The following SPOCK1 variants were observed in gnomAD, a reference collection of about 807,000 sequenced individuals.
SPOCK1 encodes SPARC (osteonectin), cwcv and kazal like domains proteoglycan 1.
A neutral mutation model predicts 55.3 loss-of-function variants in SPOCK1; 23 were observed. That is an observed-to-expected ratio of 0.42 (90% CI 0.30 to 0.59). The LOEUF is 0.59. Ranked by LOEUF, SPOCK1 falls within the 20% of genes least tolerant of loss-of-function variation. The probability of loss-of-function intolerance (pLI) is 0.22; values close to 1 mark genes in which losing one functional copy is unlikely to be tolerated. For synonymous variants in SPOCK1, 226 were observed against 221.0 expected, an observed-to-expected ratio of 1.02 and a Z score of -0.20; for missense variants, 499 against 552.5, an observed-to-expected ratio of 0.90 and a Z score of 0.97.
At chr5:137,058,351 G>A (rs1752337481) in intron 6 of SPOCK1, among the ~76,000 whole-genome samples, 1 of 152,190 alleles carries the variant, frequency 6.6e-6, no homozygotes, top group African/African-American at 2.4e-5. Context: ...ACCAGCAAAG[G>A]AGATAACATT....
chr5:137,334,726 C>T (rs931616738), intron 2 of SPOCK1, among the ~76,000 whole-genome samples: 1 of 152,214 alleles, frequency 6.6e-6, no homozygotes, highest in Non-Finnish European at 1.5e-5. Context: ...ATTTTCTCCT[C>T]ACAGTCCTGC....
chr5:137,034,239 G>C (rs1192626278), intron 6 of SPOCK1, among the ~76,000 whole-genome samples: 4 of 152,160 alleles, frequency 2.6e-5, no homozygotes, highest in Non-Finnish European at 4.4e-5. Context: ...ATGAAACCAA[G>C]CTTTTCAACA....
At chr5:137,205,563 C>T (rs1755503665) in intron 3 of SPOCK1, among the ~76,000 whole-genome samples, 1 of 152,218 alleles carries the variant, frequency 6.6e-6, no homozygotes, top group East Asian at 1.9e-4. Flanking sequence ...TGGAACTATG[C>T]ACTTGGGATG....
At chr5:137,128,404 T>C (rs911801307) in intron 4 of SPOCK1, among the ~76,000 whole-genome samples, 4 of 152,170 alleles carry the variant, frequency 2.6e-5, no homozygotes, top group African/African-American at 9.7e-5. Context: ...AAAACCTCTG[T>C]GAGATTAGCA....
intron 3 of SPOCK1, among the ~76,000 whole-genome samples, chr5:137,245,337 T>C (rs529745542): frequency 2.0e-4 from 30 of 152,318 alleles, no homozygotes; most frequent in African/African-American, 7.2e-4. Flanking sequence ...TAGAAACACA[T>C]GGATGTAAGT....
intron 3 of SPOCK1, among the ~76,000 whole-genome samples, chr5:137,199,348 C>G (rs1387878346): frequency 6.6e-6 from 1 of 152,172 alleles, no homozygotes; most frequent in East Asian, 1.9e-4. Flanking sequence ...CTCATGGATT[C>G]CCATCTCAGC....
intron 2 of SPOCK1, among the ~76,000 whole-genome samples, chr5:137,474,901 A>G (rs1434235973): frequency 6.6e-6 from 1 of 152,206 alleles, no homozygotes; most frequent in Admixed American, 6.5e-5. Context: ...TTTGCAATGT[A>G]ATACTATAGG....
chr5:136,987,045 C>CTGAT (rs1750856519), intron 8 of SPOCK1, among the ~76,000 whole-genome samples: 2 of 137,500 alleles, frequency 1.5e-5, no homozygotes, highest in African/African-American at 2.6e-5. Context: ...AAGTCTAAAA[C>CTGAT]TGATTTATTT....
chr5:137,175,416 G>A (rs935478198), intron 3 of SPOCK1, among the ~76,000 whole-genome samples: 4 of 152,182 alleles, frequency 2.6e-5, no homozygotes, highest in African/African-American at 9.7e-5. Context: ...TAGCATTTAA[G>A]CTGCTTAGGG....
chr5:137,478,202 A>T (rs1008797317), intron 2 of SPOCK1, among the ~76,000 whole-genome samples: 2 of 152,198 alleles, frequency 1.3e-5, no homozygotes, highest in Admixed American at 6.5e-5. Flanking sequence ...AACACGAGGA[A>T]AATGGTGACA....
intron 4 of SPOCK1, among the ~76,000 whole-genome samples, chr5:137,138,712 C>CG (rs1754038317): frequency 1.6e-5 from 2 of 124,090 alleles, no homozygotes; most frequent in Non-Finnish European, 3.5e-5. Context: ...CCCCCCCCCC[C>CG]CAAAAAAAAG....
chr5:137,398,067 C>T (rs1012469486), intron 2 of SPOCK1, among the ~76,000 whole-genome samples: 4 of 152,024 alleles, frequency 2.6e-5, no homozygotes, highest in Non-Finnish European at 4.4e-5. Context: ...CCGTCTGGGC[C>T]ATACCAGCCA....
intron 2 of SPOCK1, among the ~76,000 whole-genome samples, chr5:137,338,019 ATTT>A (rs1268692925): frequency 1.3e-5 from 2 of 152,018 alleles, no homozygotes; most frequent in Non-Finnish European, 1.5e-5. Context: ...CCTCTGTATT[ATTT>A]TTTTATTATT....
intron 2 of SPOCK1, among the ~76,000 whole-genome samples, chr5:137,446,842 C>G (rs1342774116): frequency 2.6e-5 from 4 of 152,182 alleles, no homozygotes; most frequent in African/African-American, 9.7e-5. Context: ...CAACGACCAT[C>G]CTACTTTCTG....
At position 137,498,418 on chromosome 5, in the gene SPOCK1, G is replaced by A. The variant is rs1174443879; in HGVS notation, c.141C>T (p.Thr47=). Residue 47 remains threonine (T), a synonymous_variant, in exon 2 of 11, where the codon ACC becomes ACT. Transcript: ENST00000394945. ...NFLDNDQWLS[T]VSQYDRDKYW... ...ACTTGTCCCGGTCGTACTGGGAGAC[G>A]GTGCTCAGCCACTGGTCATTGTCTA... 6.2e-7 allele frequency: 1 copy of A among 1,608,794 alleles called. No homozygotes were observed. Among genetic ancestry groups the A allele is most frequent in the Admixed American group, 1.7e-5 (1 of 59,618 alleles).
chr5:137,262,741 T>C (rs1222730602), intron 3 of SPOCK1, among the ~76,000 whole-genome samples: 1 of 152,178 alleles, frequency 6.6e-6, no homozygotes, highest in Non-Finnish European at 1.5e-5. Context: ...CCCGTGTCAG[T>C]GTAGCTCCGA....
intron 6 of SPOCK1, among the ~76,000 whole-genome samples, chr5:137,025,544 C>T (rs1751659626): frequency 6.6e-6 from 1 of 152,130 alleles, no homozygotes; most frequent in African/African-American, 2.4e-5. Context: ...AAACATAATT[C>T]CTGTCCTCAA....
At chr5:137,136,339 A>G (rs114212233) in intron 4 of SPOCK1, among the ~76,000 whole-genome samples, 1,535 of 152,292 alleles carry the variant, frequency 0.01, 30 homozygotes, top group African/African-American at 0.035. Flanking sequence ...GTTCAAGGTT[A>G]CAGTGAGCTA....
At chr5:137,115,259 A>T (rs1753555844) in intron 4 of SPOCK1, among the ~76,000 whole-genome samples, 1 of 152,086 alleles carries the variant, frequency 6.6e-6, no homozygotes, top group Non-Finnish European at 1.5e-5. Flanking sequence ...GAATGTCAGA[A>T]CGAGAAAACA....
Sources: gnomAD v4.1 joint callset for allele counts (sites outside exome capture counted in the v4.1 genomes callset) on GRCh38, gnomAD v4.1.1 for gene constraint, MANE v1.5 for transcripts, NCBI Gene and HGNC (gene_info 2026-07-23, HGNC 2026-07-21) for gene names.